Variants in NTM observed in about 807,000 individuals in gnomAD.
NTM encodes neurotrimin, also known as IgLON family member 2.
In NTM, 13 loss-of-function variants were observed where a neutral mutation model predicts 42.1. That is an observed-to-expected ratio of 0.31 (90% CI 0.20 to 0.49). The LOEUF (loss-of-function observed/expected upper bound fraction) is 0.49. Ranked by LOEUF, NTM falls within the 20% of genes least tolerant of loss-of-function variation. The pLI, the probability that NTM is intolerant of heterozygous loss-of-function variation, is 0.99. For synonymous variants in NTM, 187 were observed against 179.2 expected, an observed-to-expected ratio of 1.04 and a Z score of -0.35; for missense variants, 373 against 452.8, an observed-to-expected ratio of 0.82 and a Z score of 1.60.
At chr11:131,615,769 A>C (rs2061868806) in intron 1 of NTM, among the ~76,000 whole-genome samples, 1 of 152,124 alleles carries the variant, frequency 6.6e-6, no homozygotes, top group Non-Finnish European at 1.5e-5. Context: ...GGATTTTTGT[A>C]CCATGATTAT....
At chr11:132,112,275 A>G (rs550444225) in intron 2 of NTM, among the ~76,000 whole-genome samples, 1 of 152,348 alleles carries the variant, frequency 6.6e-6, no homozygotes, top group Non-Finnish European at 1.5e-5. Context: ...TTGAATGGTA[A>G]ATGAAAGAAA....
intron 4 of NTM, among the ~76,000 whole-genome samples, chr11:132,228,810 G>T (rs569628907): frequency 6.6e-6 from 1 of 152,154 alleles, no homozygotes. Flanking sequence ...TCTTGGTTTG[G>T]GTCACTCAGG....
chr11:132,276,456 A>C (rs1121544), intron 4 of NTM, among the ~76,000 whole-genome samples: 48,344 of 151,926 alleles, frequency 0.32, 8,118 homozygotes, highest in Middle Eastern at 0.5. Flanking sequence ...GGGGTGTCTC[A>C]GACTCAACTG....
Position 131,656,918 on chromosome 11 carries a change from G to A in NTM, c.83-254646G>A, listed in dbSNP as rs563077956. ...GAATCTGCTCTTTTTAAGTTTGACC[G>A]AGTCATCTGTGCTCCGTGAGCCACC... On this transcript the variant is annotated intron_variant, in intron 1 of 8. Transcript: ENST00000683400. Among the ~76,000 whole-genome samples the A allele has an allele frequency of 7.9e-5, 12 of 152,112 alleles. No homozygotes were observed. In the South Asian group the frequency reaches 1.5e-3, roughly 18 times the overall value.
intron 2 of NTM, among the ~76,000 whole-genome samples, chr11:131,978,798 T>C (rs191708799): frequency 6.6e-6 from 1 of 152,358 alleles, no homozygotes; most frequent in Admixed American, 6.5e-5. Flanking sequence ...TTGAAGGCTG[T>C]GAGAGTAAAA....
intron 1 of NTM, among the ~76,000 whole-genome samples, chr11:131,439,817 C>T (rs1438626643): frequency 2.0e-5 from 3 of 152,168 alleles, no homozygotes; most frequent in African/African-American, 4.8e-5. Flanking sequence ...GGGCTGCACC[C>T]ACTGTCCAAC....
intron 1 of NTM, among the ~76,000 whole-genome samples, chr11:131,442,466 T>C (rs899211511): frequency 6.6e-6 from 1 of 152,176 alleles, no homozygotes; most frequent in Admixed American, 6.5e-5. Context: ...CAGGTTTGTG[T>C]CATGGGTATA....
intron 1 of NTM, among the ~76,000 whole-genome samples, chr11:131,883,378 A>C (rs960469038): frequency 1.7e-4 from 26 of 152,186 alleles, no homozygotes; most frequent in African/African-American, 6.0e-4. Context: ...ACTTGTCTAC[A>C]AGTAGGTCAC....
chr11:132,234,123 C>T (rs1379638890), intron 4 of NTM, among the ~76,000 whole-genome samples: 3 of 152,192 alleles, frequency 2.0e-5, no homozygotes, highest in Admixed American at 6.5e-5. Context: ...TCATTCTTAA[C>T]TGGGGTTAAC....
At chr11:131,632,672 G>GTTTTTTTT (rs1565353176) in intron 1 of NTM, among the ~76,000 whole-genome samples, 1 of 38,300 alleles carries the variant, frequency 2.6e-5, no homozygotes, top group African/African-American at 8.3e-5. Flanking sequence ...TGCTCGGGCA[G>GTTTTTTTT]CTTTTTTTTT....
chr11:131,856,486 C>T (rs559256324), intron 1 of NTM, among the ~76,000 whole-genome samples: 1 of 152,274 alleles, frequency 6.6e-6, no homozygotes, highest in Admixed American at 6.5e-5. Flanking sequence ...ATATACATAT[C>T]TGTCCTCAAA....
chr11:132,028,545 G>A (rs185983975), intron 2 of NTM, among the ~76,000 whole-genome samples: 18 of 152,186 alleles, frequency 1.2e-4, no homozygotes, highest in Admixed American at 3.3e-4. Context: ...CTACTCCTAT[G>A]GATGTGACCA....
intron 1 of NTM, among the ~76,000 whole-genome samples, chr11:131,472,181 G>A (rs570853835): frequency 1.3e-5 from 2 of 152,284 alleles, no homozygotes; most frequent in Admixed American, 1.3e-4. Flanking sequence ...TTACTGTGTG[G>A]CTATTTAATT....
intron 3 of NTM, among the ~76,000 whole-genome samples, chr11:132,172,028 C>A (rs976003284): frequency 6.6e-5 from 10 of 152,196 alleles, no homozygotes; most frequent in Admixed American, 1.3e-4. Flanking sequence ...GCTTGATAGA[C>A]CACAGTCAAC....
At position 131,689,046 on chromosome 11, in the gene NTM, AACGAG is replaced by A. The variant is rs1473837597; in HGVS notation, c.83-222516_83-222512del. Among the ~76,000 whole-genome samples, 477 of 151,956 alleles carry A rather than the reference AACGAG, an allele frequency of 3.1e-3. 2 individuals carry two copies. Among genetic ancestry groups the A allele is most frequent in the African/African-American group, 0.011 (458 of 41,186 alleles). On this transcript the variant is annotated intron_variant, in intron 1 of 8. Transcript: ENST00000683400. The stretch of plus-strand genomic sequence containing the variant: ...TTTACACGTGCATGCCTTCAGTGAA[AACGAG>A]AGCTACCAATAAATTGGATGTTTGT...
At chr11:132,140,474 G>A (rs564027136) in intron 2 of NTM, among the ~76,000 whole-genome samples, 13 of 152,198 alleles carry the variant, frequency 8.5e-5, no homozygotes, top group South Asian at 2.1e-4. Flanking sequence ...GTTGGGAGAC[G>A]TAAGAACAGT....
At chr11:132,221,845 A>G (rs902498200) in intron 4 of NTM, among the ~76,000 whole-genome samples, 11 of 152,172 alleles carry the variant, frequency 7.2e-5, no homozygotes, top group African/African-American at 2.7e-4. Flanking sequence ...CAAATACTAA[A>G]CGGCAAAGGT....
chr11:131,738,767 A>G (rs1037618669), intron 1 of NTM, among the ~76,000 whole-genome samples: 6 of 152,238 alleles, frequency 3.9e-5, no homozygotes, highest in Non-Finnish European at 8.8e-5. Flanking sequence ...TACAAGGTGA[A>G]TGCAAACTAT....
intron 1 of NTM, among the ~76,000 whole-genome samples, chr11:131,597,060 G>T (rs1313691315): frequency 6.6e-6 from 1 of 152,112 alleles, no homozygotes; most frequent in East Asian, 1.9e-4. Context: ...ATTAGATGGT[G>T]CCCATCCAGA....
Sources: allele counts gnomAD v4.1 joint callset (sites outside exome capture counted in the v4.1 genomes callset), GRCh38; gene constraint gnomAD v4.1.1; transcripts MANE v1.5; gene names NCBI Gene and HGNC (gene_info 2026-07-23, HGNC 2026-07-21).